Variants in TRIM36 observed in about 807,000 individuals in gnomAD.
The protein encoded by TRIM36 is E3 ubiquitin-protein ligase TRIM36.
In TRIM36, 42 loss-of-function variants were observed where a neutral mutation model predicts 72.4. That is an observed-to-expected ratio of 0.58 (90% confidence interval 0.45 to 0.75). The LOEUF is 0.75. Ranked by LOEUF, TRIM36 falls within the 30% of genes least tolerant of loss-of-function variation. The pLI is 0.00. For synonymous variants in TRIM36, 315 were observed against 282.8 expected (o/e 1.11, Z -1.14); for missense variants, 913 against 857.1 (o/e 1.07, Z -0.81).
chr5:115,160,777 T>TA (rs2126925670), intron 2 of TRIM36, among the ~76,000 whole-genome samples: 1 of 152,218 alleles, frequency 6.6e-6, no homozygotes, highest in East Asian at 1.9e-4. Context: ...GCCTCAGAGT[T>TA]AGAGGTTACA....
At chr5:115,133,779 A>G in intron 8 of TRIM36, 81 bp downstream of exon 8, 2 of 1,405,654 alleles carry the variant, frequency 1.4e-6, no homozygotes, top group Non-Finnish European at 1.9e-6. Context: ...GCAGGTCTAC[A>G]TGGAGATACT....
In TRIM36 at chr5:115,179,943, C is replaced by T. The variant is rs778330426; in HGVS notation, c.63+32G>A. The T allele has an allele frequency of 1.2e-5, 19 of 1,610,384 alleles. 1 individual carries two copies. The South Asian group carries it at 1.8e-4, about 15-fold the overall frequency. ...CCAGGTAGTGCCGGAGTCGGGGGCC[C>T]AGGCCGCGGCGCCCCGCGCCTCATC... On this transcript the variant is annotated intron_variant, in intron 1 of 9. Coordinates refer to the TRIM36 transcript ENST00000282369.
intron 4 of TRIM36, among the ~76,000 whole-genome samples, chr5:115,143,085 T>C (rs1195217813): frequency 6.6e-6 from 1 of 151,954 alleles, no homozygotes; most frequent in Non-Finnish European, 1.5e-5. Flanking sequence ...CTCCCATACA[T>C]ATTCAGCAGT....
At chr5:115,144,117 G>A (rs894635589) in intron 4 of TRIM36, among the ~76,000 whole-genome samples, 22 of 151,796 alleles carry the variant, frequency 1.4e-4, no homozygotes, top group African/African-American at 4.6e-4. Context: ...CTCGTGATCC[G>A]CCCGCCTCGG....
At chr5:115,164,446 A>G (rs1754651881) in intron 1 of TRIM36, among the ~76,000 whole-genome samples, 2 of 152,242 alleles carry the variant, frequency 1.3e-5, no homozygotes, top group Admixed American at 1.3e-4. Flanking sequence ...ACAGTTCCAC[A>G]TGGCTAGGGA....
At chr5:115,168,267 T>G (rs886867000) in intron 1 of TRIM36, among the ~76,000 whole-genome samples, 10 of 152,222 alleles carry the variant, frequency 6.6e-5, no homozygotes, top group African/African-American at 2.4e-4. Context: ...TTATTTTAAG[T>G]GAGAAGCATT....
chr5:115,158,218 C>G (rs921280550), intron 2 of TRIM36, among the ~76,000 whole-genome samples: 2 of 152,198 alleles, frequency 1.3e-5, no homozygotes, highest in South Asian at 2.1e-4. Context: ...CAAACTGAAT[C>G]TGTGGGGACA....
At position 115,136,827 on chromosome 5, in the gene TRIM36, CATAAAA is replaced by C. The variant is rs373804649; in HGVS notation, c.1210+167_1210+172del. On this transcript the variant is annotated intron_variant, in intron 7 of 9. Transcript: ENST00000513154. The stretch of plus-strand genomic sequence containing the variant: ...AAACTAATGGAACATAGTTTTTGTG[CATAAAA>C]ATATAGTTTTAAAAACATAAATAGG... Among the ~76,000 whole-genome samples the C allele has an allele frequency of 2.0e-3, 303 of 152,194 alleles. 1 individual carries two copies. The highest frequency in any genetic ancestry group is 7.0e-3 in the African/African-American group (291 of 41,530).
intron 2 of TRIM36, among the ~76,000 whole-genome samples, chr5:115,153,272 C>T (rs1753990961): frequency 6.6e-6 from 1 of 152,008 alleles, no homozygotes; most frequent in South Asian, 2.1e-4. Flanking sequence ...TTAAAGCAAA[C>T]CAATTTAAAA....
At chr5:115,172,883 G>C (rs147860098), upstream of TRIM36, among the ~76,000 whole-genome samples, 351 of 152,312 alleles carry the variant, frequency 2.3e-3, 1 homozygote, top group African/African-American at 8.1e-3. Flanking sequence ...GTAAGGGATG[G>C]AGTTAGGTAT....
upstream of TRIM36, chr5:115,171,208 T>C (rs554601168): frequency 9.1e-4 from 1,471 of 1,614,132 alleles, 14 homozygotes; most frequent in South Asian, 0.015. Flanking sequence ...GGTAGCCTCG[T>C]CTCCAATCCG....
intron 1 of TRIM36, among the ~76,000 whole-genome samples, chr5:115,179,437 G>C (rs1284345070): frequency 1.3e-5 from 2 of 152,240 alleles, no homozygotes; most frequent in Non-Finnish European, 2.9e-5. Context: ...TAAGGACCTG[G>C]AAAGAGGCCC....
upstream of TRIM36, among the ~76,000 whole-genome samples, chr5:115,173,260 C>A (rs1755195149): frequency 6.6e-6 from 1 of 152,124 alleles, no homozygotes; most frequent in South Asian, 2.1e-4. Flanking sequence ...CTCTGATCAG[C>A]CTTAAATCAT....
intron 1 of TRIM36, among the ~76,000 whole-genome samples, chr5:115,166,920 C>T (rs1754809474): frequency 6.6e-6 from 1 of 152,206 alleles, no homozygotes; most frequent in Non-Finnish European, 1.5e-5. Context: ...CCTGCCTGCC[C>T]CGCCACAGCC....
At position 115,128,758 on chromosome 5, in the gene TRIM36, C is replaced by CAAAAAAA. The variant is rs58384978; in HGVS notation, c.1796+1827_1796+1833dup. Among the ~76,000 whole-genome samples the CAAAAAAA allele has an allele frequency of 4.2e-3, 197 of 47,014 alleles. 5 individuals carry two copies. The highest frequency in any genetic ancestry group is 0.014 in the African/African-American group (184 of 13,252). 30.8% of individuals were successfully genotyped at this position (47,014 alleles called of 152,430 possible). A position where few individuals can be genotyped will look rare whatever the true frequency, so the allele number is the denominator to read the frequency against. ...TGGGCGACAGAGCGAGACTCCGTCTCAAAAAAAAAAAAAAAAAAAAAAAAA... is the reference window on the plus strand; with the variant it reads ...TGGGCGACAGAGCGAGACTCCGTCTCAAAAAAAAAAAAAAAAAAAAAAAAAAAAAAAA... On this transcript the variant is annotated intron_variant, in intron 9 of 9. Coordinates refer to ENST00000513154, the MANE Select transcript of TRIM36 (RefSeq NM_001300759.2).
intron 2 of TRIM36, among the ~76,000 whole-genome samples, chr5:115,153,118 CAACT>C (rs767730215): frequency 2.3e-4 from 35 of 152,206 alleles, no homozygotes; most frequent in Admixed American, 2.6e-4. Flanking sequence ...CTTCACCAAC[CAACT>C]ATCTGCTGCC....
At chr5:115,179,646 C>A (rs79113958) in intron 1 of TRIM36, among the ~76,000 whole-genome samples, 13,107 of 152,306 alleles carry the variant, frequency 0.086, 1,101 homozygotes, top group East Asian at 0.43. Context: ...TGGGGCAGCG[C>A]CCCCTTGGCC....
intron 9 of TRIM36, among the ~76,000 whole-genome samples, chr5:115,128,282 T>C (rs985327419): frequency 6.6e-5 from 10 of 151,026 alleles, no homozygotes; most frequent in African/African-American, 2.2e-4. Flanking sequence ...GGCAGGAGAA[T>C]TGCTTGAACC....
At position 115,124,928 on chromosome 5, in the gene TRIM36, T is replaced by C. The variant is rs1752306337; in HGVS notation, c.*1575A>G. 1 of 152,520 alleles carries C rather than the reference T, an allele frequency of 6.6e-6. No individual in the cohort carries two copies. Among genetic ancestry groups the C allele is most frequent in the African/African-American group, 2.4e-5 (1 of 41,436 alleles). 9.4% of individuals were successfully genotyped at this position (152,520 alleles called of 1,614,324 possible). A position where few individuals can be genotyped will look rare whatever the true frequency, so the allele number is the denominator to read the frequency against. On this transcript the variant is annotated 3_prime_UTR_variant, in exon 10 of 10. Transcript: ENST00000513154. ...TTGAGTATCAACCACAAATGTGACT[T>C]TAGCAGCTTTATTGCATAATGATCC... is the stretch of plus-strand genomic sequence containing the variant.
Sources: allele counts gnomAD v4.1 joint callset (sites outside exome capture counted in the v4.1 genomes callset), GRCh38; gene constraint gnomAD v4.1.1; transcripts MANE v1.5; gene names NCBI Gene and HGNC (gene_info 2026-07-23, HGNC 2026-07-21).